GPC5: variants seen among roughly 807,000 people sequenced by gnomAD.
GPC5 encodes glypican 5, also known as glypican-5.
Under a neutral mutation model 53.9 loss-of-function variants are expected in GPC5, and 47 were observed. The ratio of observed to expected loss-of-function variants is 0.87; its 90% confidence interval spans 0.69 to 1.11. The LOEUF is 1.11. Ranked by LOEUF, GPC5 falls within the 50% of genes most tolerant of loss-of-function variation. The pLI is 0.00. For synonymous variants in GPC5, 286 were observed against 263.3 expected (o/e 1.09, Z -0.84); for missense variants, 748 against 713.1 (o/e 1.05, Z -0.56).
intron 2 of GPC5, among the ~76,000 whole-genome samples, chr13:91,614,884 G>A (rs897475704): frequency 1.3e-5 from 2 of 152,096 alleles, no homozygotes; most frequent in South Asian, 4.2e-4. Context: ...CATGTCCAAG[G>A]CAAACATGTT....
At chr13:91,831,036 A>G (rs1481048366) in intron 5 of GPC5, among the ~76,000 whole-genome samples, 3 of 138,160 alleles carry the variant, frequency 2.2e-5, no homozygotes, top group South Asian at 2.1e-4. Flanking sequence ...ATATCCTATT[A>G]TATATATTAT....
At chr13:92,126,879 A>G (rs762716531) in intron 6 of GPC5, among the ~76,000 whole-genome samples, 1 of 152,036 alleles carries the variant, frequency 6.6e-6, no homozygotes, top group Non-Finnish European at 1.5e-5. Context: ...ATAACTGCTT[A>G]AATGCAGGGT....
intron 6 of GPC5, among the ~76,000 whole-genome samples, chr13:92,014,044 A>T (rs1403661448): frequency 6.6e-6 from 1 of 152,184 alleles, no homozygotes; most frequent in East Asian, 1.9e-4. Flanking sequence ...GACTTCTAGG[A>T]TAATTAGGCT....
chr13:92,712,642 A>G (rs1354951592), intron 7 of GPC5, among the ~76,000 whole-genome samples: 5 of 152,210 alleles, frequency 3.3e-5, no homozygotes, highest in Non-Finnish European at 4.4e-5. Context: ...AAGGCAAACT[A>G]TAGACTGGAT....
chr13:91,878,640 G>T (rs1028844482), intron 5 of GPC5, among the ~76,000 whole-genome samples: 1 of 152,122 alleles, frequency 6.6e-6, no homozygotes. Context: ...TTGTGATAGT[G>T]AATGAGTTCT....
At chr13:91,494,794 G>T (rs61968041) in intron 2 of GPC5, among the ~76,000 whole-genome samples, 4,581 of 151,946 alleles carry the variant, frequency 0.03, 101 homozygotes, top group Non-Finnish European at 0.05. Context: ...TGACTGCCCT[G>T]CCTTAGAATC....
intron 6 of GPC5, among the ~76,000 whole-genome samples, chr13:92,081,231 A>C (rs1414329955): frequency 6.6e-6 from 1 of 152,064 alleles, no homozygotes; most frequent in Non-Finnish European, 1.5e-5. Context: ...TCTTATGAGT[A>C]GCTGGGATTA....
At chr13:92,111,430 G>A (rs1363615763) in intron 6 of GPC5, among the ~76,000 whole-genome samples, 1 of 152,106 alleles carries the variant, frequency 6.6e-6, no homozygotes, top group Non-Finnish European at 1.5e-5. Flanking sequence ...ATCAAGATGT[G>A]ATCCAGGCAC....
At chr13:92,663,617 C>CTA (rs1052070183) in intron 7 of GPC5, among the ~76,000 whole-genome samples, 5 of 80,840 alleles carry the variant, frequency 6.2e-5, no homozygotes, top group African/African-American at 1.1e-4. Flanking sequence ...TATATATCTA[C>CTA]TATATATATA....
chr13:91,534,403 C>T (rs1428219983), intron 2 of GPC5, among the ~76,000 whole-genome samples: 1 of 152,120 alleles, frequency 6.6e-6, no homozygotes, highest in Non-Finnish European at 1.5e-5. Context: ...TCAGTTTTCA[C>T]TTCTGTAAAA....
intron 7 of GPC5, among the ~76,000 whole-genome samples, chr13:92,170,664 A>C (rs368598453): frequency 3.9e-5 from 6 of 152,064 alleles, no homozygotes; most frequent in African/African-American, 1.2e-4. Flanking sequence ...ACCTCAGGTG[A>C]TCCGCCTGCC....
At chr13:92,344,979 A>G (rs553332884) in intron 7 of GPC5, among the ~76,000 whole-genome samples, 4 of 152,318 alleles carry the variant, frequency 2.6e-5, no homozygotes, top group African/African-American at 7.2e-5. Flanking sequence ...AAGAAAAGCA[A>G]TATGATGGAT....
chr13:92,596,642 TTTTG>T (rs1466389410), intron 7 of GPC5, among the ~76,000 whole-genome samples: 5 of 151,996 alleles, frequency 3.3e-5, no homozygotes, highest in African/African-American at 1.2e-4. Flanking sequence ...CCCAGCTGAT[TTTTG>T]TATTGTTAGT....
At chr13:91,617,298 A>T (rs934752759) in intron 2 of GPC5, among the ~76,000 whole-genome samples, 1 of 152,152 alleles carries the variant, frequency 6.6e-6, no homozygotes, top group African/African-American at 2.4e-5. Flanking sequence ...TGGGGGGAAG[A>T]CCGTGTAGAG....
At chr13:92,759,178 G>A (rs368601197) in intron 7 of GPC5, among the ~76,000 whole-genome samples, 137 of 150,510 alleles carry the variant, frequency 9.1e-4, no homozygotes, top group South Asian at 8.7e-3. Flanking sequence ...TTTTAAATCA[G>A]TAAGGGTAAT....
At chr13:92,324,838 A>G (rs1034253162) in intron 7 of GPC5, among the ~76,000 whole-genome samples, 1 of 151,926 alleles carries the variant, frequency 6.6e-6, no homozygotes, top group Admixed American at 6.6e-5. Flanking sequence ...CCTCACAAAT[A>G]AAAGGAGATG....
intron 7 of GPC5, among the ~76,000 whole-genome samples, chr13:92,206,042 CAAAAAAAAAA>C (rs58237718): frequency 1.1e-5 from 1 of 90,428 alleles, no homozygotes; most frequent in African/African-American, 4.1e-5. Flanking sequence ...GACTCCATCT[CAAAAAAAAAA>C]AAAAAAAAAA....
At chr13:91,773,950 C>A (rs1408386093) in intron 5 of GPC5, among the ~76,000 whole-genome samples, 1 of 152,148 alleles carries the variant, frequency 6.6e-6, no homozygotes, top group Non-Finnish European at 1.5e-5. Context: ...TTAAAAAGTT[C>A]TTAATGCTAT....
chr13:92,504,532 A>G (rs1367961257), intron 7 of GPC5, among the ~76,000 whole-genome samples: 1 of 152,062 alleles, frequency 6.6e-6, no homozygotes. Context: ...AAGGTGATAA[A>G]ATAACCAAAA....
Sources: allele counts gnomAD v4.1 joint callset (sites outside exome capture counted in the v4.1 genomes callset), GRCh38; gene constraint gnomAD v4.1.1; transcripts MANE v1.5; gene names NCBI Gene and HGNC (gene_info 2026-07-23, HGNC 2026-07-21).